The following CLASP1 variants were observed in gnomAD, a reference collection of about 807,000 sequenced individuals.
The protein encoded by CLASP1 is CLIP-associating protein 1.
In CLASP1, 38 loss-of-function variants were observed where a neutral mutation model predicts 192.3. The observed-to-expected ratio is 0.20, with a 90% CI of 0.15 to 0.26. The LOEUF (loss-of-function observed/expected upper bound fraction) is 0.26. Among genes scored for constraint, CLASP1 ranks in the 10% least tolerant of loss-of-function variants. The probability of loss-of-function intolerance (pLI) is 1.00; values close to 1 mark genes in which losing one functional copy is unlikely to be tolerated. For missense variants in CLASP1, 1,433 were observed against 1,932.5 expected (o/e 0.74, Z 4.85); for synonymous variants, 691 against 712.8 (o/e 0.97, Z 0.49).
intron 30 of CLASP1, among the ~76,000 whole-genome samples, chr2:121,389,498 A>T (rs2073967571): frequency 6.6e-6 from 1 of 151,792 alleles, no homozygotes; most frequent in Admixed American, 6.6e-5. Flanking sequence ...AAAAAAAAAC[A>T]ATGCATGCAG....
intron 3 of CLASP1, 45 bp from the exon 4 acceptor site, chr2:121,528,825 G>A: frequency 6.9e-7 from 1 of 1,439,246 alleles, no homozygotes; most frequent in Non-Finnish European, 9.8e-7. Context: ...CCTATTTGGG[G>A]GTCTGTGGTC....
chr2:121,484,267 C>T (rs991217037), intron 8 of CLASP1, among the ~76,000 whole-genome samples: 7 of 151,636 alleles, frequency 4.6e-5, no homozygotes, highest in African/African-American at 1.7e-4. Context: ...TGCCACACAC[C>T]ACATCTCCAT....
intron 30 of CLASP1, among the ~76,000 whole-genome samples, chr2:121,389,780 G>A (rs1178436890): frequency 6.6e-6 from 1 of 152,168 alleles, no homozygotes; most frequent in Admixed American, 6.5e-5. Context: ...TATTAACTTA[G>A]AAGCTTAGAG....
Position 121,568,731 on chromosome 2 carries a change from T to C in CLASP1, c.195+36970A>G, listed in dbSNP as rs144654799. 3.2e-3 allele frequency among the ~76,000 whole-genome samples: 482 copies of C among 152,200 alleles called. 3 individuals carry two copies. The highest frequency in any genetic ancestry group is 5.5e-3 in the Non-Finnish European group (372 of 68,008). On this transcript the variant is annotated intron_variant, in intron 2 of 39. Transcript: ENST00000263710. The stretch of plus-strand genomic sequence containing the variant: ...CACCATTACAAATATAGCCATTGTG[T>C]GAAGCTCAAGTCCAAGAGTTGCTTT...
intron 8 of CLASP1, among the ~76,000 whole-genome samples, chr2:121,482,475 G>A (rs2092671007): frequency 6.6e-6 from 1 of 152,160 alleles, no homozygotes; most frequent in African/African-American, 2.4e-5. Flanking sequence ...GACACGCCAA[G>A]AGTGACTAAG....
chr2:121,373,761 G>C (rs1478340256), intron 34 of CLASP1, among the ~76,000 whole-genome samples: 1 of 152,212 alleles, frequency 6.6e-6, no homozygotes, highest in African/African-American at 2.4e-5. Flanking sequence ...ATGATTTAGG[G>C]TATCTGGTGA....
At chr2:121,570,092 C>T (rs2059853802) in intron 2 of CLASP1, among the ~76,000 whole-genome samples, 1 of 152,166 alleles carries the variant, frequency 6.6e-6, no homozygotes, top group South Asian at 2.1e-4. Context: ...AAAAGGGGGG[C>T]ATCCAAGTGT....
At chr2:121,513,050 G>A (rs940660539) in intron 7 of CLASP1, 2 of 152,184 alleles carry the variant, frequency 1.3e-5, no homozygotes, top group African/African-American at 2.4e-5. Flanking sequence ...AGTCACCCAC[G>A]TGGAGCCACA....
chr2:121,424,207 T>C (rs2080008921), intron 22 of CLASP1, among the ~76,000 whole-genome samples: 1 of 152,212 alleles, frequency 6.6e-6, no homozygotes. Flanking sequence ...GTCATAGTAT[T>C]CGTCATACTG....
chr2:121,629,636 C>CA (rs1456831559), intron 1 of CLASP1, among the ~76,000 whole-genome samples: 3 of 147,900 alleles, frequency 2.0e-5, no homozygotes, highest in Middle Eastern at 4.0e-3. Flanking sequence ...ACTAAAAATA[C>CA]AAAAATTAGC....
chr2:121,523,363 T>G (rs1466380608), intron 6 of CLASP1, among the ~76,000 whole-genome samples: 1 of 152,160 alleles, frequency 6.6e-6, no homozygotes, highest in Non-Finnish European at 1.5e-5. Context: ...CTTGTTAAAA[T>G]CCCTAGAGAC....
intron 1 of CLASP1, among the ~76,000 whole-genome samples, chr2:121,634,737 C>T (rs1228414404): frequency 1.3e-5 from 2 of 152,174 alleles, no homozygotes; most frequent in Admixed American, 6.5e-5. Context: ...CCAACAGGTA[C>T]GCTCAATCAG....
chr2:121,340,835 G>T (rs767205669), exon 40 of CLASP1: 1 of 1,581,232 alleles, frequency 6.3e-7, no homozygotes, highest in Admixed American at 1.7e-5. Flanking sequence ...TTGCTTCTAG[G>T]TCTACACAAG....
intron 6 of CLASP1, 140 bp from the exon 7 acceptor site, chr2:121,515,902 G>A: frequency 1.5e-6 from 1 of 667,734 alleles, no homozygotes. Context: ...ATATACATTT[G>A]TCTAGAGAAA....
chr2:121,348,461 T>C, intron 38 of CLASP1, 51 bp downstream of exon 39: 1 of 1,512,626 alleles, frequency 6.6e-7, no homozygotes, highest in Admixed American at 2.0e-5. Flanking sequence ...TACTTCAAGT[T>C]AGGCAACCCC....
At chr2:121,523,283 A>T (rs1009372007) in intron 6 of CLASP1, among the ~76,000 whole-genome samples, 1 of 152,246 alleles carries the variant, frequency 6.6e-6, no homozygotes, top group Non-Finnish European at 1.5e-5. Flanking sequence ...AACTGAATCT[A>T]CATTTTGAGA....
At chr2:121,486,552 T>C (rs764644967) in intron 8 of CLASP1, among the ~76,000 whole-genome samples, 2 of 111,570 alleles carry the variant, frequency 1.8e-5, no homozygotes, top group Admixed American at 8.7e-5. Context: ...CCCACAGATA[T>C]CAGATCTACA....
At chr2:121,549,163 G>A (rs1346790699) in intron 2 of CLASP1, among the ~76,000 whole-genome samples, 2 of 152,170 alleles carry the variant, frequency 1.3e-5, no homozygotes, top group Non-Finnish European at 2.9e-5. Context: ...AAAAAAGCAA[G>A]ACTCAATGGT....
intron 2 of CLASP1, among the ~76,000 whole-genome samples, chr2:121,560,956 G>C (rs2105302615): frequency 6.6e-6 from 1 of 152,206 alleles, no homozygotes; most frequent in Non-Finnish European, 1.5e-5. Context: ...GCCCAGGCTG[G>C]AGTGCAATGG....
Sources: allele counts gnomAD v4.1 joint callset (sites outside exome capture counted in the v4.1 genomes callset), GRCh38; gene constraint gnomAD v4.1.1; transcripts MANE v1.5; gene names NCBI Gene and HGNC (gene_info 2026-07-23, HGNC 2026-07-21).